Variants in CRACDL observed in about 807,000 individuals in gnomAD.
The protein encoded by CRACDL is CRACD-like protein.
In CRACDL, 26 loss-of-function variants were observed where a neutral mutation model predicts 70.6. The observed-to-expected ratio is 0.37, with a 90% CI of 0.27 to 0.51. CRACDL has a LOEUF of 0.51. Among genes scored for constraint, CRACDL ranks in the 20% least tolerant of loss-of-function variants. CRACDL has a pLI of 0.94. For synonymous variants in CRACDL, 618 were observed against 615.2 expected, an observed-to-expected ratio of 1.00 and a Z score of -0.07; for missense variants, 1,283 against 1,376.9, an observed-to-expected ratio of 0.93 and a Z score of 1.08.
Position 98,822,895 on chromosome 2 carries a change from G to A in CRACDL, c.1378C>T (p.Pro460Ser). ...EKGPPGPAPEPEREAETEPER... is the reference protein window; with the variant it reads ...EKGPPGPAPESEREAETEPER... ...GGCTCCGTCTCCGCTTCTCTCTCGG[G>A]CTCAGGCGCCGGCCCTGGGGGCCCC... The change falls in exon 7 of 10, where the codon CCC becomes TCC. Residue 460 changes from proline (P) to serine (S), a missense_variant. Coordinates refer to ENST00000397899, the MANE Select transcript of CRACDL (RefSeq NM_207362.3). This position sits in a 1 kb window ranked among gnomAD's most constrained non-coding sequence, Gnocchi z 4.9. The A allele has an allele frequency of 6.8e-7, 1 of 1,473,550 alleles. No individual in the cohort carries two copies. Among genetic ancestry groups the A allele is most frequent in the Non-Finnish European group, 8.9e-7 (1 of 1,123,052 alleles). The allele number at this position is 1,473,550 out of a possible 1,614,324, so 91.3% of individuals were successfully genotyped here.
intron 1 of CRACDL, among the ~76,000 whole-genome samples, chr2:98,899,523 G>A (rs116772569): frequency 0.028 from 4,238 of 152,372 alleles, 81 homozygotes; most frequent in Middle Eastern, 0.065. Context: ...CTGAAGGACA[G>A]TGAGGGAATG....
chr2:98,794,620 C>G lies in CRACDL; in HGVS notation c.2801G>C (p.Ser934Thr). 6.2e-7 allele frequency: 1 copy of G among 1,613,750 alleles called. No individual in the cohort carries two copies. The highest frequency in any genetic ancestry group is 8.5e-7 in the Non-Finnish European group (1 of 1,179,664). The change falls in exon 10 of 10, where the codon AGT becomes ACT. Residue 934 changes from serine to threonine, a missense_variant. Transcript: ENST00000397899. ...GGATGGCTGATCTGTACTGGCATAACTGGCTCTCTTCAGCTGATGCAGTTC... is the reference window on the plus strand; with the variant it reads ...GGATGGCTGATCTGTACTGGCATAAGTGGCTCTCTTCAGCTGATGCAGTTC... ...EKELHQLKRA[S>T]YASTDQPSWM...
At chr2:98,853,959 G>A (rs1210032382) in intron 1 of CRACDL, among the ~76,000 whole-genome samples, 2 of 152,014 alleles carry the variant, frequency 1.3e-5, no homozygotes, top group Non-Finnish European at 2.9e-5. Flanking sequence ...GCAGAACAGA[G>A]GAACAAAACA....
Position 98,823,121 on chromosome 2 carries a change from G to A in CRACDL, c.1152C>T (p.Ala384=). The A allele has an allele frequency of 6.4e-7, 1 of 1,573,974 alleles. No homozygotes were observed. Among genetic ancestry groups the A allele is most frequent in the Non-Finnish European group, 8.6e-7 (1 of 1,163,542 alleles). Residue 384 remains alanine (A), a synonymous_variant, in exon 7 of 10, where the codon GCC becomes GCT. Transcript: ENST00000397899. The surrounding 1 kb of genome is among the most constrained non-coding windows in gnomAD (Gnocchi z 4.0). The part of the protein sequence containing the change: ...EAPPAGPCAP[A]TDKAEEVVCA... ...AGACCACCTCCTCCGCCTTGTCCGT[G>A]GCCGGGGCACACGGGCCTGCGGGGG... is the stretch of plus-strand genomic sequence containing the variant.
chr2:98,894,296 G>C (rs17022049), intron 1 of CRACDL, among the ~76,000 whole-genome samples: 2,402 of 152,348 alleles, frequency 0.016, 185 homozygotes, highest in Admixed American at 0.11. Flanking sequence ...AAGTCACCCT[G>C]AAGGAGAGAG....
chr2:98,795,064 T>C (rs1488507786), intron 9 of CRACDL, among the ~76,000 whole-genome samples: 2 of 52,866 alleles, frequency 3.8e-5, no homozygotes, highest in African/African-American at 1.2e-4. Context: ...TATATATATA[T>C]ATATATATAT....
chr2:98,901,472 A>T (rs1438525935), intron 1 of CRACDL, among the ~76,000 whole-genome samples: 1 of 152,176 alleles, frequency 6.6e-6, no homozygotes, highest in Non-Finnish European at 1.5e-5. Flanking sequence ...AGAGCAGATG[A>T]CCTGGGTGGC....
intron 2 of CRACDL, among the ~76,000 whole-genome samples, 162 bp downstream of exon 2, chr2:98,846,569 C>T (rs908485569): frequency 6.6e-6 from 1 of 152,098 alleles, no homozygotes; most frequent in Admixed American, 6.5e-5. Context: ...TGTGCATGTG[C>T]CCCCAGTCAC....
intron 1 of CRACDL, among the ~76,000 whole-genome samples, chr2:98,902,416 AG>A (rs1708305011): frequency 6.6e-6 from 1 of 152,158 alleles, no homozygotes; most frequent in Non-Finnish European, 1.5e-5. Context: ...CTTTCCCTTG[AG>A]GACTCCAGCC....
intron 1 of CRACDL, among the ~76,000 whole-genome samples, chr2:98,906,210 C>T (rs1708408986): frequency 6.6e-6 from 1 of 151,806 alleles, no homozygotes; most frequent in Non-Finnish European, 1.5e-5. Flanking sequence ...CTGCCAGTGT[C>T]CAAACTGCTC....
At chr2:98,797,703 A>G (rs1703888001) in intron 7 of CRACDL, among the ~76,000 whole-genome samples, 166 bp from the exon 8 acceptor site, 1 of 152,222 alleles carries the variant, frequency 6.6e-6, no homozygotes, top group Non-Finnish European at 1.5e-5. Flanking sequence ...AAGATGCATC[A>G]GAGAGATTAT....
rs533814128 is a variant in CRACDL at position 98,826,480 on chromosome 2, T to C, written c.735+495A>G. Among the ~76,000 whole-genome samples the C allele has an allele frequency of 9.2e-5, 14 of 152,230 alleles. No homozygotes were observed. The South Asian group carries it at 2.9e-3, about 32-fold the overall frequency. ...AAAGGTCACTTTGGCATGTGGCGAG[T>C]GTTCTGAAGGAAGTGAACGGGCAGG... On this transcript the variant is annotated intron_variant, in intron 6 of 9. Transcript: ENST00000397899.
chr2:98,856,369 T>C (rs1706697187), intron 1 of CRACDL, among the ~76,000 whole-genome samples: 1 of 152,166 alleles, frequency 6.6e-6, no homozygotes, highest in South Asian at 2.1e-4. Context: ...AACAAAGCTA[T>C]ATTTCAAAAA....
intron 1 of CRACDL, among the ~76,000 whole-genome samples, chr2:98,854,279 C>CAAAAAAAAAAAA (rs1229198569): frequency 3.7e-5 from 2 of 54,220 alleles, no homozygotes; most frequent in African/African-American, 6.5e-5. Context: ...GACTCTGTCT[C>CAAAAAAAAAAAA]AAAAAAAAAA....
In CRACDL at chr2:98,889,143, A is replaced by G. The variant is rs544112700; in HGVS notation, c.-10-42333T>C. ...CTCTGTCAAAAAAAAAAGGGGGGGG[A>G]AGAAAAGAAAAGAAGGAAGGAAGGA... On this transcript the variant is annotated intron_variant, in intron 1 of 9. Transcript: ENST00000397899. Among the ~76,000 whole-genome samples, 322 of 147,178 alleles carry G rather than the reference A, an allele frequency of 2.2e-3. 2 individuals are homozygous for G. Among genetic ancestry groups the G allele is most frequent in the East Asian group, 0.017 (88 of 5,036 alleles).
At chr2:98,815,600 T>A (rs1568213) in intron 7 of CRACDL, among the ~76,000 whole-genome samples, 64,796 of 151,910 alleles carry the variant, frequency 0.43, 14,617 homozygotes, top group African/African-American at 0.58. Context: ...TAGCTTCATT[T>A]TTGGGTTTCT....
At chr2:98,882,313 G>A (rs1215574035) in intron 1 of CRACDL, among the ~76,000 whole-genome samples, 1 of 152,230 alleles carries the variant, frequency 6.6e-6, no homozygotes, top group East Asian at 1.9e-4. Flanking sequence ...TTAATACATA[G>A]TATGGCCCAA....
At chr2:98,853,749 G>A (rs1446229479) in intron 1 of CRACDL, among the ~76,000 whole-genome samples, 1 of 152,186 alleles carries the variant, frequency 6.6e-6, no homozygotes, top group Non-Finnish European at 1.5e-5. Flanking sequence ...GGAGTTGTAT[G>A]TATGACTAGA....
intron 1 of CRACDL, among the ~76,000 whole-genome samples, chr2:98,872,250 A>G (rs1366122020): frequency 6.6e-6 from 1 of 152,088 alleles, no homozygotes; most frequent in Non-Finnish European, 1.5e-5. Context: ...CCCAGCTACT[A>G]GGGAGGCTGA....
Sources: gnomAD v4.1 joint callset for allele counts (sites outside exome capture counted in the v4.1 genomes callset) on GRCh38, gnomAD v4.1.1 for gene constraint, Gnocchi (gnomAD v3.1) non-coding constraint, MANE v1.5 for transcripts, NCBI Gene and HGNC (gene_info 2026-07-23, HGNC 2026-07-21) for gene names.